KCNIP4: variants seen among roughly 807,000 people sequenced by gnomAD.
KCNIP4 encodes potassium voltage-gated channel interacting protein 4.
Under a neutral mutation model 34.0 loss-of-function variants are expected in KCNIP4, and 12 were observed. That is an observed-to-expected ratio of 0.35 (90% CI 0.23 to 0.57). KCNIP4 has a LOEUF of 0.57. KCNIP4 is among the 20% of genes least tolerant of loss of function. The pLI is 0.83. For synonymous variants in KCNIP4, 124 were observed against 102.2 expected (o/e 1.21, Z -1.29); for missense variants, 238 against 311.7 (o/e 0.76, Z 1.78).
chr4:21,468,744 T>C (rs1730203814), intron 1 of KCNIP4, among the ~76,000 whole-genome samples: 1 of 152,224 alleles, frequency 6.6e-6, no homozygotes, highest in African/African-American at 2.4e-5. Flanking sequence ...TCAGATGTTG[T>C]GAAACTGGCT....
chr4:21,684,488 C>A (rs764194234), intron 1 of KCNIP4, among the ~76,000 whole-genome samples: 27 of 152,042 alleles, frequency 1.8e-4, no homozygotes, highest in Non-Finnish European at 3.7e-4. Flanking sequence ...CTACGCAAAT[C>A]TGTTATGCTT....
At chr4:21,123,663 A>C (rs1750360049) in intron 1 of KCNIP4, among the ~76,000 whole-genome samples, 1 of 152,212 alleles carries the variant, frequency 6.6e-6, no homozygotes, top group African/African-American at 2.4e-5. Flanking sequence ...GTATGCCCCT[A>C]AAATTCACAC....
At chr4:21,230,261 T>C (rs1268977698) in intron 1 of KCNIP4, among the ~76,000 whole-genome samples, 1 of 152,116 alleles carries the variant, frequency 6.6e-6, no homozygotes, top group Non-Finnish European at 1.5e-5. Context: ...CTGGAGCCTT[T>C]GTAGAGTTCA....
intron 3 of KCNIP4, among the ~76,000 whole-genome samples, chr4:20,818,123 T>G (rs1388597724): frequency 6.6e-6 from 1 of 152,210 alleles, no homozygotes; most frequent in African/African-American, 2.4e-5. Context: ...TTCTAATGAT[T>G]GCAATACCTC....
chr4:21,918,377 A>T (rs564035498), intron 1 of KCNIP4, among the ~76,000 whole-genome samples: 36 of 152,308 alleles, frequency 2.4e-4, no homozygotes, highest in African/African-American at 8.7e-4. Flanking sequence ...GGTAAAACTG[A>T]TAAGATTGGA....
chr4:21,892,339 T>A (rs1027077643), intron 1 of KCNIP4, among the ~76,000 whole-genome samples: 4 of 150,790 alleles, frequency 2.7e-5, no homozygotes, highest in South Asian at 2.1e-4. Flanking sequence ...AAAAGGTGAA[T>A]CTAGGCTATG....
chr4:20,785,857 A>T (rs2149398023), intron 3 of KCNIP4, among the ~76,000 whole-genome samples: 1 of 152,232 alleles, frequency 6.6e-6, no homozygotes, highest in South Asian at 2.1e-4. Flanking sequence ...GTGGGAATGT[A>T]ACTTGGTGCA....
intron 1 of KCNIP4, among the ~76,000 whole-genome samples, chr4:21,482,081 T>C (rs1445601863): frequency 6.6e-6 from 1 of 152,000 alleles, no homozygotes; most frequent in Non-Finnish European, 1.5e-5. Flanking sequence ...TCTTTGTCTC[T>C]TTTGATCTTT....
chr4:21,764,594 C>T (rs1211497590), intron 1 of KCNIP4, among the ~76,000 whole-genome samples: 1 of 152,080 alleles, frequency 6.6e-6, no homozygotes, highest in East Asian at 1.9e-4. Context: ...CCAGCTAATG[C>T]ATGTCTCCCA....
chr4:21,685,719 C>CA (rs1387388560), intron 1 of KCNIP4, among the ~76,000 whole-genome samples: 2 of 152,162 alleles, frequency 1.3e-5, no homozygotes, highest in Admixed American at 1.3e-4. Context: ...TATTCTGACA[C>CA]AAAAAATTCG....
chr4:21,283,074 A>T (rs1169273493), intron 1 of KCNIP4, among the ~76,000 whole-genome samples: 2 of 152,184 alleles, frequency 1.3e-5, no homozygotes, highest in African/African-American at 2.4e-5. Context: ...AACAACAAAA[A>T]CTAGACACAA....
chr4:21,781,680 T>A (rs1198351238), intron 1 of KCNIP4, among the ~76,000 whole-genome samples: 2 of 152,142 alleles, frequency 1.3e-5, no homozygotes, highest in Non-Finnish European at 2.9e-5. Flanking sequence ...ATAAATAAAA[T>A]AGACTTTTTC....
At chr4:21,790,729 C>T (rs1439649287) in intron 1 of KCNIP4, among the ~76,000 whole-genome samples, 1 of 151,942 alleles carries the variant, frequency 6.6e-6, no homozygotes, top group Non-Finnish European at 1.5e-5. Context: ...TTAATCATTG[C>T]CTTATAATCT....
At chr4:20,892,597 A>G (rs1424248050) in intron 1 of KCNIP4, among the ~76,000 whole-genome samples, 1 of 152,146 alleles carries the variant, frequency 6.6e-6, no homozygotes, top group African/African-American at 2.4e-5. Flanking sequence ...CAATCAAGGC[A>G]GGGTCCTATT....
chr4:21,548,603 T>C (rs911646262), intron 1 of KCNIP4, among the ~76,000 whole-genome samples: 3 of 151,760 alleles, frequency 2.0e-5, no homozygotes, highest in African/African-American at 7.3e-5. Context: ...ACTATCTACA[T>C]AATCCAATTG....
rs189809747 is a variant in KCNIP4, at chr4:20,744,911, G to T, written c.429+4751C>A. ...CTGTGGAAGTTCACTTCATCTCTGAGTCTAGTGATAGAGCCATGACCTGGG... is the reference window on the plus strand; with the variant it reads ...CTGTGGAAGTTCACTTCATCTCTGATTCTAGTGATAGAGCCATGACCTGGG... On this transcript the variant is annotated intron_variant, in intron 5 of 8. Coordinates refer to ENST00000382152, the MANE Select transcript of KCNIP4 (RefSeq NM_025221.6). 2.3e-3 allele frequency among the ~76,000 whole-genome samples: 352 copies of T among 152,262 alleles called. 8 individuals are homozygous for T. The South Asian group carries it at 0.046, about 20-fold the overall frequency.
chr4:20,835,032 A>G (rs1718870289), intron 3 of KCNIP4, among the ~76,000 whole-genome samples: 1 of 152,038 alleles, frequency 6.6e-6, no homozygotes, highest in East Asian at 1.9e-4. Flanking sequence ...TCTTTTAGGA[A>G]CTTCTTTTTT....
intron 1 of KCNIP4, among the ~76,000 whole-genome samples, chr4:21,913,849 G>C (rs1728479887): frequency 6.6e-6 from 1 of 152,118 alleles, no homozygotes; most frequent in Non-Finnish European, 1.5e-5. Context: ...AATCAGCCTG[G>C]GGAGGGAATG....
chr4:21,465,252 C>T (rs1729819120), intron 1 of KCNIP4, among the ~76,000 whole-genome samples: 2 of 152,110 alleles, frequency 1.3e-5, no homozygotes, highest in African/African-American at 2.4e-5. Flanking sequence ...TCTACTATGA[C>T]ATAAAATCCA....
Sources: gnomAD v4.1 joint callset for allele counts (sites outside exome capture counted in the v4.1 genomes callset) on GRCh38, gnomAD v4.1.1 for gene constraint, MANE v1.5 for transcripts, NCBI Gene and HGNC (gene_info 2026-07-23, HGNC 2026-07-21) for gene names.